ATXN1: variants seen among roughly 807,000 people sequenced by gnomAD.
ATXN1 encodes ataxin-1.
ATXN1 carries 8 observed loss-of-function variants against 56.4 expected under a neutral mutation model. The observed-to-expected ratio is 0.14, with a 90% confidence interval of 0.08 to 0.26. The LOEUF (loss-of-function observed/expected upper bound fraction) is 0.26. ATXN1 is among the 10% of genes least tolerant of loss of function. The pLI, the probability that ATXN1 is intolerant of heterozygous loss-of-function variation, is 1.00. For missense variants in ATXN1, 987 were observed against 1,106.5 expected (o/e 0.89, Z 1.53); for synonymous variants, 514 against 494.6 (o/e 1.04, Z -0.52).
intron 4 of ATXN1, among the ~76,000 whole-genome samples, chr6:16,579,291 A>G (rs1762480129): frequency 6.6e-6 from 1 of 152,216 alleles, no homozygotes; most frequent in Non-Finnish European, 1.5e-5. Context: ...AGCCACTAAA[A>G]TGCACGGGGA....
intron 7 of ATXN1, among the ~76,000 whole-genome samples, chr6:16,320,379 G>A (rs150220087): frequency 1.0e-3 from 154 of 152,274 alleles, no homozygotes; most frequent in African/African-American, 3.5e-3. Context: ...AGCAGCCACC[G>A]AGTCAGGGAA....
rs180689214 is a variant in ATXN1 at position 16,315,001 on chromosome 6, T to G, written c.1918-8142A>C. 2.9e-3 allele frequency among the ~76,000 whole-genome samples: 437 copies of G among 152,266 alleles called. 1 individual carries two copies. Among genetic ancestry groups the G allele is most frequent in the African/African-American group, 9.8e-3 (408 of 41,544 alleles). On this transcript the variant is annotated intron_variant, in intron 7 of 7. Transcript: ENST00000436367. ...AAGTATACACCGAGCACCTGCTAAG[T>G]GTTAGGAACCTTAGAAGAGTATCTA...
chr6:16,694,205 T>C (rs1345221366), intron 2 of ATXN1, among the ~76,000 whole-genome samples: 3 of 151,846 alleles, frequency 2.0e-5, no homozygotes, highest in Non-Finnish European at 4.4e-5. Context: ...AAGAGGAAAT[T>C]AACATTTAGT....
chr6:16,388,711 A>G (rs997460318), intron 6 of ATXN1, among the ~76,000 whole-genome samples: 1 of 152,210 alleles, frequency 6.6e-6, no homozygotes, highest in Admixed American at 6.5e-5. Context: ...CAGCCCAGCT[A>G]GTGGAATGCT....
intron 1 of ATXN1, chr6:16,753,967 A>C (rs1341782935): frequency 6.6e-6 from 1 of 152,330 alleles, no homozygotes; most frequent in African/African-American, 2.4e-5. Context: ...TTAAGTAAAA[A>C]TTTTCCATTG....
At chr6:16,719,938 A>G (rs1759713636) in intron 2 of ATXN1, among the ~76,000 whole-genome samples, 1 of 152,182 alleles carries the variant, frequency 6.6e-6, no homozygotes, top group Non-Finnish European at 1.5e-5. Flanking sequence ...GCCCTCCAGA[A>G]CTTTGAGAGA....
At chr6:16,632,714 C>T (rs1020825002) in intron 3 of ATXN1, among the ~76,000 whole-genome samples, 3 of 151,834 alleles carry the variant, frequency 2.0e-5, no homozygotes, top group African/African-American at 7.3e-5. Context: ...CAAACATGAA[C>T]CTCTACAGAA....
At chr6:16,368,336 TC>T (rs1761969998) in intron 6 of ATXN1, among the ~76,000 whole-genome samples, 1 of 129,858 alleles carries the variant, frequency 7.7e-6, no homozygotes, top group Non-Finnish European at 1.5e-5. Flanking sequence ...TGGCTTGACT[TC>T]TTCTTCTTTT....
intron 2 of ATXN1, among the ~76,000 whole-genome samples, chr6:16,686,511 C>T (rs1311764463): frequency 8.7e-5 from 3 of 34,342 alleles, no homozygotes; most frequent in East Asian, 5.7e-4. Flanking sequence ...CACATTATGC[C>T]GAAAAGAGAT....
intron 6 of ATXN1, among the ~76,000 whole-genome samples, chr6:16,427,001 C>CA (rs1759170913): frequency 6.6e-6 from 1 of 152,100 alleles, no homozygotes; most frequent in Non-Finnish European, 1.5e-5. Context: ...GCCCCCTCAC[C>CA]AATAAAGTCT....
intron 6 of ATXN1, among the ~76,000 whole-genome samples, chr6:16,344,557 C>T (rs1761335889): frequency 6.6e-6 from 1 of 152,156 alleles, no homozygotes; most frequent in African/African-American, 2.4e-5. Context: ...GCTTCCTGCC[C>T]TCGAACACCC....
At chr6:16,357,419 G>A (rs796229155) in intron 6 of ATXN1, among the ~76,000 whole-genome samples, 8 of 151,956 alleles carry the variant, frequency 5.3e-5, no homozygotes, top group South Asian at 2.1e-4. Flanking sequence ...ACAGGTGCCC[G>A]CCACCATGCC....
intron 6 of ATXN1, among the ~76,000 whole-genome samples, chr6:16,484,895 A>C (rs114655470): frequency 6.6e-6 from 1 of 151,720 alleles, no homozygotes; most frequent in African/African-American, 2.4e-5. Flanking sequence ...TAGGTAATAC[A>C]TGTTCAAAAA....
At chr6:16,527,905 G>T (rs560317867) in intron 4 of ATXN1, among the ~76,000 whole-genome samples, 1 of 152,260 alleles carries the variant, frequency 6.6e-6, no homozygotes, top group East Asian at 1.9e-4. Context: ...TAGGGACAGA[G>T]TTTTTGCTTT....
chr6:16,692,716 G>A (rs1259184399), intron 2 of ATXN1, among the ~76,000 whole-genome samples: 1 of 152,060 alleles, frequency 6.6e-6, no homozygotes. Context: ...GCAGTGTGCT[G>A]GGCACTTTAC....
intron 2 of ATXN1, among the ~76,000 whole-genome samples, chr6:16,688,948 T>TGTGGTGTGTATAC (rs1335493023): frequency 6.6e-6 from 1 of 152,172 alleles, no homozygotes; most frequent in African/African-American, 2.4e-5. Flanking sequence ...TATGTGTGTG[T>TGTGGTGTGTATAC]GTGGTGTGTA....
At chr6:16,381,633 AT>A (rs1462389633) in intron 6 of ATXN1, among the ~76,000 whole-genome samples, 1 of 152,234 alleles carries the variant, frequency 6.6e-6, no homozygotes, top group Non-Finnish European at 1.5e-5. Flanking sequence ...TATCAACAAC[AT>A]TCACTTCCTC....
chr6:16,327,030 C>T lies in ATXN1; in HGVS notation c.1281G>A (p.Ala427=), dbSNP rs200416161. 7.4e-5 allele frequency: 120 copies of T among 1,614,142 alleles called. 3 individuals carry two copies. In the South Asian group the frequency reaches 1.1e-3, roughly 15 times the overall value. ...TCTGAATGACCGTGTGGGGTGAGAG[C>T]GCGTAGGACCGGTGGCCAGGCTTCC... The part of the protein sequence containing the change: ...HLGKPGHRSY[A]LSPHTVIQTT... The change falls in exon 7 of 8, where the codon GCG becomes GCA. Residue 427 remains alanine, a synonymous_variant. Transcript: ENST00000436367.
intron 2 of ATXN1, among the ~76,000 whole-genome samples, chr6:16,681,907 G>C (rs1438878967): frequency 2.0e-5 from 3 of 152,178 alleles, no homozygotes; most frequent in African/African-American, 7.2e-5. Context: ...CAGAACTTGA[G>C]GGGGAAAAGA....
Sources: gnomAD v4.1 joint callset for allele counts (sites outside exome capture counted in the v4.1 genomes callset) on GRCh38, gnomAD v4.1.1 for gene constraint, MANE v1.5 for transcripts, NCBI Gene and HGNC (gene_info 2026-07-23, HGNC 2026-07-21) for gene names.